PIGG: variants seen among roughly 807,000 people sequenced by gnomAD.
PIGG encodes GPI ethanolamine phosphate transferase 2, catalytic subunit.
PIGG carries 70 observed loss-of-function variants against 83.2 expected under a neutral mutation model. The observed-to-expected ratio is 0.84, with a 90% CI of 0.69 to 1.03. The LOEUF (loss-of-function observed/expected upper bound fraction) is 1.03. Among genes scored for constraint, PIGG ranks in the 50% least tolerant of loss-of-function variants. The pLI is 0.00. For missense variants in PIGG, 1,257 were observed against 1,233.6 expected (o/e 1.02, Z -0.28); for synonymous variants, 532 against 519.5 (o/e 1.02, Z -0.33).
In PIGG at chr4:516,238, C is replaced by G. The variant is rs187166484; in HGVS notation, c.1114+53C>G. On this transcript the variant is annotated intron_variant, in intron 6 of 12. Transcript: ENST00000453061. ...GTCAGAGCTGTGTGTTTCCACTGAGCTCGGGTTTCTCCGATGTGTTTCTGT... is the reference window on the plus strand; with the variant it reads ...GTCAGAGCTGTGTGTTTCCACTGAGGTCGGGTTTCTCCGATGTGTTTCTGT... The G allele has an allele frequency of 3.7e-4, 462 of 1,238,438 alleles. 4 individuals carry two copies. In the Admixed American group the frequency reaches 7.3e-3, roughly 20 times the overall value. 76.7% of individuals were successfully genotyped at this position (1,238,438 alleles called of 1,614,324 possible).
At position 540,143 on chromosome 4, in the gene PIGG, AAC is replaced by A. The variant is rs1431099119; in HGVS notation, c.*776_*777del. 2.0e-5 allele frequency: 3 copies of A among 152,108 alleles called. No individual in the cohort carries two copies. Among genetic ancestry groups the A allele is most frequent in the Non-Finnish European group, 4.4e-5 (3 of 68,062 alleles). 9.4% of individuals were successfully genotyped at this position (152,108 alleles called of 1,614,324 possible). A position where few individuals can be genotyped will look rare whatever the true frequency, so the allele number is the denominator to read the frequency against. On this transcript the variant is annotated 3_prime_UTR_variant, in exon 13 of 13. Transcript: ENST00000453061. ...TGTACCACTGTACTCCAGCCAGGAC[AAC>A]AGAGTGAGACTCTTGTCTTTAAAAT...
intron 5 of PIGG, among the ~76,000 whole-genome samples, chr4:512,273 G>A (rs1442188006): frequency 1.4e-5 from 2 of 141,218 alleles, no homozygotes; most frequent in African/African-American, 5.4e-5. Flanking sequence ...AGGCTGGAGT[G>A]CAGTGACACG....
intron 2 of PIGG, among the ~76,000 whole-genome samples, chr4:503,490 C>T (rs1169625141): frequency 6.6e-6 from 1 of 152,162 alleles, no homozygotes; most frequent in African/African-American, 2.4e-5. Context: ...AGCTCATTTC[C>T]TCCCGGGTGC....
At chr4:516,272 G>T (rs1258153093) in intron 6 of PIGG, 87 bp downstream of exon 6, 1 of 836,624 alleles carries the variant, frequency 1.2e-6, no homozygotes. Flanking sequence ...GTGGTATGCA[G>T]TTTGTCACAG....
At chr4:503,921 T>C (rs1463776951) in intron 2 of PIGG, among the ~76,000 whole-genome samples, 7 of 150,898 alleles carry the variant, frequency 4.6e-5, no homozygotes, top group Admixed American at 4.0e-4. Context: ...CCAAGAGTAA[T>C]TGGCTGCCTT....
Position 508,903 on chromosome 4 carries a change from G to A in PIGG, c.834G>A (p.Gly278=), listed in dbSNP as rs1553881515. 1 of 1,612,510 alleles carries A rather than the reference G, an allele frequency of 6.2e-7. No individual in the cohort carries two copies. The highest frequency in any genetic ancestry group is 1.1e-5 in the South Asian group (1 of 91,028). Residue 278 remains glycine, a synonymous_variant, in exon 5 of 13, where the codon GGG becomes GGA. Coordinates refer to ENST00000453061, the MANE Select transcript of PIGG (RefSeq NM_001127178.3). ...DHGMSETGSH[G]ASSTEEVNTP... is the part of the protein sequence containing the mutation. ...GCATGTCTGAAACAGGAAGTCACGG[G>A]GCCTCCTCCACCGAGGAGGTGAATA...
At chr4:526,680 C>G (rs964823521) in intron 9 of PIGG, among the ~76,000 whole-genome samples, 1 of 150,788 alleles carries the variant, frequency 6.6e-6, no homozygotes, top group Admixed American at 6.6e-5. Context: ...GTGGGAGACC[C>G]GTTTGTGAAT....
chr4:500,555 T>C lies in PIGG; in HGVS notation c.314T>C (p.Phe105Ser). The C allele has an allele frequency of 1.9e-6, 3 of 1,613,888 alleles. No individual in the cohort carries two copies. Among genetic ancestry groups the C allele is most frequent in the Non-Finnish European group, 2.5e-6 (3 of 1,179,728 alleles). ...YLVEKGASHS[F>S]VAEAKPPTVT... is the part of the protein sequence containing the mutation. ...GTGGAAAAAGGAGCATCTCACAGTT[T>C]TGTGGCTGAAGCAAAGCCACCTACA... Residue 105 changes from phenylalanine to serine, a missense_variant, in exon 2 of 13, where the codon TTT (phenylalanine) becomes TCT (serine). Physicochemically the swap from Phe to Ser is radical, Grantham distance 155. Transcript: ENST00000453061.
In PIGG at chr4:513,570, G is replaced by T. The variant is rs78672076; in HGVS notation, c.902-2403G>T. 4.3e-4 allele frequency among the ~76,000 whole-genome samples: 65 copies of T among 152,276 alleles called. No homozygotes were observed. The East Asian group carries it at 0.011, about 25-fold the overall frequency. The stretch of plus-strand genomic sequence containing the variant: ...ATTTTCGGCCTCTTGCTACTAGAAT[G>T]TTTGACCCTGTTTGTTGTTCTGTTC... On this transcript the variant is annotated intron_variant, in intron 5 of 12. Coordinates refer to ENST00000453061, the MANE Select transcript of PIGG (RefSeq NM_001127178.3).
At chr4:501,154 C>T (rs782602324) in intron 2 of PIGG, 18 of 455,884 alleles carry the variant, frequency 3.9e-5, no homozygotes, top group Middle Eastern at 3.2e-4. Flanking sequence ...TCCCAAGAAC[C>T]GTGGGTAAAG....
intron 6 of PIGG, among the ~76,000 whole-genome samples, chr4:516,706 A>C (rs993058421): frequency 5.3e-5 from 8 of 152,062 alleles, no homozygotes; most frequent in Non-Finnish European, 1.2e-4. Context: ...AAATACAAAA[A>C]TTAGCCAGGC....
intron 3 of PIGG, 60 bp downstream of exon 3, chr4:505,987 C>A: frequency 8.8e-7 from 1 of 1,136,468 alleles, no homozygotes; most frequent in Non-Finnish European, 1.3e-6. Flanking sequence ...TAGAGCCTGG[C>A]ATCCCATTAC....
intron 5 of PIGG, among the ~76,000 whole-genome samples, chr4:510,399 G>A (rs1453678746): frequency 2.6e-5 from 4 of 152,214 alleles, no homozygotes; most frequent in Admixed American, 6.5e-5. Context: ...CACCCTGGGC[G>A]GGCCAGGTGT....
Position 521,098 on chromosome 4 carries a change from G to A in PIGG, c.1157G>A (p.Gly386Glu). The change falls in exon 7 of 13, where the codon GGG becomes GAG. Residue 386 changes from glycine to glutamate, a missense_variant. By Grantham distance (98) the Gly-to-Glu change is moderately conservative (BLOSUM62 -2). Transcript: ENST00000453061. ...TTTAAAATGTCAGAAAGATTGCATGGGAACTGGATCAGACTGTACTTGGAG... is the reference window on the plus strand; with the variant it reads ...TTTAAAATGTCAGAAAGATTGCATGAGAACTGGATCAGACTGTACTTGGAG... ...EQFKMSERLH[G>E]NWIRLYLEEK... 6.2e-7 allele frequency: 1 copy of A among 1,614,124 alleles called. No individual in the cohort carries two copies.
At chr4:527,482 T>C in intron 10 of PIGG, 3 of 1,261,076 alleles carry the variant, frequency 2.4e-6, no homozygotes, top group South Asian at 2.9e-5. Flanking sequence ...GACAAATCAC[T>C]TGGAAGTAAG....
intron 10 of PIGG, chr4:527,454 T>C (rs767053587): frequency 5.5e-5 from 72 of 1,299,618 alleles, no homozygotes; most frequent in Non-Finnish European, 6.9e-5. Flanking sequence ...TTTTATGTTT[T>C]ATGTGTTACT....
rs538479072 is a variant in PIGG, at chr4:513,058, G to A, written c.902-2915G>A. Among the ~76,000 whole-genome samples, 130 of 152,304 alleles carry A rather than the reference G, an allele frequency of 8.5e-4. 1 individual carries two copies. In the South Asian group the frequency reaches 0.019, roughly 22 times the overall value. ...CACTGGGCTAGGAGGGGGAGGGAGG[G>A]AGCAGGCCACGGTTCAAGGGCTGCA... On this transcript the variant is annotated intron_variant, in intron 5 of 12. Transcript: ENST00000453061.
chr4:504,861 C>A (rs1553877828), intron 2 of PIGG, among the ~76,000 whole-genome samples: 1 of 152,144 alleles, frequency 6.6e-6, no homozygotes, highest in Non-Finnish European at 1.5e-5. Context: ...TCCCACCCCT[C>A]CCAGAAAATA....
At chr4:512,165 T>C (rs1722182110) in intron 5 of PIGG, among the ~76,000 whole-genome samples, 1 of 152,064 alleles carries the variant, frequency 6.6e-6, no homozygotes, top group Admixed American at 6.5e-5. Context: ...TTCTGCCAGT[T>C]CAAGTCTATT....
Sources: gnomAD v4.1 joint callset for allele counts (sites outside exome capture counted in the v4.1 genomes callset) on GRCh38, gnomAD v4.1.1 for gene constraint, MANE v1.5 for transcripts, NCBI Gene and HGNC (gene_info 2026-07-23, HGNC 2026-07-21) for gene names.